The following ODAD4 variants were observed in gnomAD, a reference collection of about 807,000 sequenced individuals.
The protein encoded by ODAD4 is outer dynein arm docking complex subunit 4.
Under a neutral mutation model 51.8 loss-of-function variants are expected in ODAD4, and 49 were observed. The ratio of observed to expected loss-of-function variants is 0.95; its 90% CI spans 0.75 to 1.20. The LOEUF (loss-of-function observed/expected upper bound fraction) is 1.20, where lower values mean the gene tolerates loss of function less well. ODAD4 is among the 50% of genes most tolerant of loss of function. The pLI, the probability that ODAD4 is intolerant of heterozygous loss-of-function variation, is 0.00. For synonymous variants in ODAD4, 235 were observed against 221.3 expected (o/e 1.06, Z -0.55); for missense variants, 590 against 586.5 (o/e 1.01, Z -0.06).
At chr17:41,955,053 A>T (rs1389402094) in intron 9 of ODAD4, 164 bp from the exon 10 acceptor site, 1 of 712,022 alleles carries the variant, frequency 1.4e-6, no homozygotes, top group Non-Finnish European at 2.6e-6. Context: ...GGTGGAAAGG[A>T]TGGTGCTGAG....
At chr17:41,956,342 C>A (rs1185433871) in intron 10 of ODAD4, among the ~76,000 whole-genome samples, 1 of 151,958 alleles carries the variant, frequency 6.6e-6, no homozygotes, top group Non-Finnish European at 1.5e-5. Context: ...AGCCACTGTG[C>A]CTGGCCATAA....
rs531121790 is a variant in ODAD4, at chr17:41,965,042, G to A, written c.1578G>A (p.Arg526=). 8 of 738,372 alleles carry A rather than the reference G, an allele frequency of 1.1e-5. No individual in the cohort carries two copies. Among genetic ancestry groups the A allele is most frequent in the Middle Eastern group, 4.5e-4 (2 of 4,396 alleles). 45.7% of individuals were successfully genotyped at this position (738,372 alleles called of 1,614,324 possible). A position where few individuals can be genotyped will look rare whatever the true frequency, so the allele number is the denominator to read the frequency against. The change falls in exon 12 of 12, where the codon AGG becomes AGA. Residue 526 remains arginine (R), a synonymous_variant. Transcript: ENST00000377540. ...TAATAACAAGAGAGAAGGACATGAG[G>A]AGAGTGAGAGATGAGCCCGAGAAGG... ...DRIITREKDM[R]RVRDEPEKVV... is the part of the protein sequence containing the mutation.
Position 41,930,791 on chromosome 17 carries a change from T to C in ODAD4, c.68T>C (p.Leu23Pro). The change falls in exon 1 of 12, where the codon CTC becomes CCC. Residue 23 changes from leucine to proline, a missense_variant. Physicochemically the swap from Leu to Pro is moderately conservative, Grantham distance 98. Coordinates refer to ENST00000377540, the MANE Select transcript of ODAD4 (RefSeq NM_031421.5). ...TCTTATATGGCCGAAGGCGAGCGGC[T>C]CTACCTGTGCGGGGAATTTTCTAAA... ...FPSYMAEGER[L>P]YLCGEFSKAA... 1 of 1,602,566 alleles carries C rather than the reference T, an allele frequency of 6.2e-7. No homozygotes were observed. Among genetic ancestry groups the C allele is most frequent in the Non-Finnish European group, 8.5e-7 (1 of 1,173,884 alleles).
At chr17:41,955,610 T>C (rs2144530486) in intron 10 of ODAD4, among the ~76,000 whole-genome samples, 1 of 152,142 alleles carries the variant, frequency 6.6e-6, no homozygotes, top group South Asian at 2.1e-4. Flanking sequence ...GTATTTTTAG[T>C]AGAGACAGGG....
chr17:41,956,564 G>T lies in ODAD4; in HGVS notation c.1443+1247G>T, dbSNP rs112287401. The stretch of plus-strand genomic sequence containing the variant: ...AGCCTGGGACCCAACGTGTTGCTGG[G>T]ACTCGGCAACATGGCGAAACCCTAT... On this transcript the variant is annotated intron_variant, in intron 10 of 11. Coordinates refer to ENST00000377540, the MANE Select transcript of ODAD4 (RefSeq NM_031421.5). 9.6e-4 allele frequency among the ~76,000 whole-genome samples: 144 copies of T among 150,390 alleles called. 1 individual carries two copies. The highest frequency in any genetic ancestry group is 3.3e-3 in the African/African-American group (136 of 40,858).
intron 11 of ODAD4, 132 bp downstream of exon 11, chr17:41,961,598 C>T (rs991161731): frequency 9.3e-6 from 6 of 648,432 alleles, no homozygotes; most frequent in African/African-American, 7.2e-5. Context: ...ATTCTAATTT[C>T]AGTGCCACCA....
intron 10 of ODAD4, among the ~76,000 whole-genome samples, chr17:41,956,287 G>T (rs2050732008): frequency 6.6e-6 from 1 of 151,672 alleles, no homozygotes; most frequent in Admixed American, 6.6e-5. Context: ...GACCTCAAAT[G>T]ATCTGTCTGC....
chr17:41,932,879 A>G (rs757516553), intron 1 of ODAD4, among the ~76,000 whole-genome samples: 7 of 152,022 alleles, frequency 4.6e-5, no homozygotes, highest in Non-Finnish European at 1.0e-4. Context: ...TGTTTTTATG[A>G]CCATTTCTTT....
chr17:41,952,589 ATCCT>A, intron 9 of ODAD4: 2 of 442,570 alleles, frequency 4.5e-6, no homozygotes, highest in Non-Finnish European at 4.5e-6. Context: ...TGAAAGAATA[ATCCT>A]GAATGATTTA....
intron 10 of ODAD4, among the ~76,000 whole-genome samples, chr17:41,955,533 TCTC>T (rs1344025098): frequency 2.0e-5 from 3 of 152,094 alleles, no homozygotes; most frequent in Non-Finnish European, 4.4e-5. Context: ...TTCACACCAT[TCTC>T]CTGCCTCAGC....
At chr17:41,941,376 A>G (rs1555638664) in intron 7 of ODAD4, among the ~76,000 whole-genome samples, 1 of 152,190 alleles carries the variant, frequency 6.6e-6, no homozygotes. Context: ...AGCTCTGTGC[A>G]TATCCTCCAG....
At chr17:41,958,324 C>A (rs1194006859) in intron 10 of ODAD4, among the ~76,000 whole-genome samples, 1 of 152,116 alleles carries the variant, frequency 6.6e-6, no homozygotes, top group African/African-American at 2.4e-5. Flanking sequence ...GCCTAGACTT[C>A]CATTGCTTAA....
At chr17:41,930,880 A>ATTTTT in intron 1 of ODAD4, 43 bp downstream of exon 1, 4 of 135,204 alleles carry the variant, frequency 3.0e-5, no homozygotes, top group South Asian at 1.8e-4. Context: ...ATCACCCGTC[A>ATTTTT]CTTTTTTTTT....
chr17:41,950,481 C>T (rs1422724878), intron 9 of ODAD4, among the ~76,000 whole-genome samples: 1 of 150,686 alleles, frequency 6.6e-6, no homozygotes, highest in Admixed American at 6.6e-5. Flanking sequence ...CTCATGGGTT[C>T]AAATGATTCC....
rs370753219 is a variant in ODAD4 at position 41,946,209 on chromosome 17, G to T, written c.1145+987G>T. Among the ~76,000 whole-genome samples the T allele has an allele frequency of 4.3e-4, 65 of 152,344 alleles. 1 individual carries two copies. Among genetic ancestry groups the T allele is most frequent in the African/African-American group, 1.5e-3 (63 of 41,578 alleles). ...CACCATTTTGTCTCTTAATGTGCAT[G>T]CCTGGGAAGTTGCTTCTCCCTGGCA... is the stretch of plus-strand genomic sequence containing the variant. On this transcript the variant is annotated intron_variant, in intron 8 of 11. Coordinates refer to ENST00000377540, the MANE Select transcript of ODAD4 (RefSeq NM_031421.5).
Position 41,955,280 on chromosome 17 carries a change from T to C in ODAD4, c.1406T>C (p.Leu469Pro), listed in dbSNP as rs2050714397. The C allele has an allele frequency of 3.8e-6, 3 of 780,002 alleles. No homozygotes were observed. The highest frequency in any genetic ancestry group is 3.4e-5 in the Admixed American group (2 of 58,922). The allele number at this position is 780,002 out of a possible 1,614,324, so 48.3% of individuals were successfully genotyped here. The change falls in exon 10 of 12, where the codon CTT (leucine) becomes CCT (proline). Residue 469 changes from leucine to proline, a missense_variant. Transcript: ENST00000377540. ...GAGAAGGCCCTGGAGAGAGCAAAGC[T>C]TGTGCATAACAACGAGGCGCAGCAG... is the stretch of plus-strand genomic sequence containing the variant. Reference protein sequence around the residue: ...NFEKALERAKLVHNNEAQQAI... With the variant: ...NFEKALERAKPVHNNEAQQAI...
chr17:41,936,546 G>T lies in ODAD4; in HGVS notation c.459+12G>T. On this transcript the variant is annotated intron_variant, in intron 4 of 11. Coordinates refer to ENST00000377540, the MANE Select transcript of ODAD4 (RefSeq NM_031421.5). The stretch of plus-strand genomic sequence containing the variant: ...GCAAGCAGGCTGAGGTAAGGGCCCT[G>T]GTTCTGTGGTTGTATCCCTCCAAGG... The T allele has an allele frequency of 6.2e-7, 1 of 1,610,410 alleles. No homozygotes were observed. The highest frequency in any genetic ancestry group is 8.5e-7 in the Non-Finnish European group (1 of 1,177,332).
At chr17:41,948,829 A>G (rs2050619735) in intron 8 of ODAD4, among the ~76,000 whole-genome samples, 1 of 152,052 alleles carries the variant, frequency 6.6e-6, no homozygotes, top group Non-Finnish European at 1.5e-5. Context: ...TAGTAGACAG[A>G]CAGGGTTTTG....
chr17:41,948,362 G>A (rs2050613989), intron 8 of ODAD4, among the ~76,000 whole-genome samples: 1 of 149,674 alleles, frequency 6.7e-6, no homozygotes, highest in South Asian at 2.1e-4. Context: ...TGTCACCCAG[G>A]TGGGAGTGCA....
Sources: gnomAD v4.1 joint callset for allele counts (sites outside exome capture counted in the v4.1 genomes callset) on GRCh38, gnomAD v4.1.1 for gene constraint, MANE v1.5 for transcripts, NCBI Gene and HGNC (gene_info 2026-07-23, HGNC 2026-07-21) for gene names.